The following TRIM54 variants were observed in gnomAD, a reference collection of about 807,000 sequenced individuals.
TRIM54 encodes tripartite motif containing 54, also known as tripartite motif-containing protein 54.
TRIM54 carries 40 observed loss-of-function variants against 42.0 expected under a neutral mutation model. The observed-to-expected ratio is 0.95, with a 90% confidence interval of 0.74 to 1.24. The LOEUF is 1.24. Among genes scored for constraint, TRIM54 ranks in the 50% most tolerant of loss-of-function variants. The pLI is 0.00. For synonymous variants in TRIM54, 199 were observed against 194.9 expected (o/e 1.02, Z -0.17); for missense variants, 485 against 480.3 (o/e 1.01, Z -0.09).
intron 1 of TRIM54, among the ~76,000 whole-genome samples, chr2:27,296,665 A>G (rs1019783557): frequency 1.3e-4 from 20 of 152,120 alleles, no homozygotes; most frequent in African/African-American, 4.3e-4. Flanking sequence ...GGTTTGTGCA[A>G]TTTCCTACAA....
chr2:27,291,374 C>A (rs2148192216), intron 1 of TRIM54, among the ~76,000 whole-genome samples: 1 of 152,224 alleles, frequency 6.6e-6, no homozygotes, highest in South Asian at 2.1e-4. Context: ...AACAAACAAA[C>A]AAAAAATGAC....
At chr2:27,303,840 A>C (rs1258779731) in intron 3 of TRIM54, among the ~76,000 whole-genome samples, 11 of 152,230 alleles carry the variant, frequency 7.2e-5, no homozygotes, top group Non-Finnish European at 1.6e-4. Context: ...TTATTAAATA[A>C]TTGGAAGTCA....
Position 27,282,697 on chromosome 2 carries a change from G to A in TRIM54, c.-35G>A. 1 of 1,589,106 alleles carries A rather than the reference G, an allele frequency of 6.3e-7. No individual in the cohort carries two copies. ...TCTACAGGCAGTGAGTGAAGGCCAGGAGCAGGGCCCAGGCCAGGCACGACC... is the reference window on the plus strand; with the variant it reads ...TCTACAGGCAGTGAGTGAAGGCCAGAAGCAGGGCCCAGGCCAGGCACGACC... On this transcript the variant is annotated 5_prime_UTR_variant, in exon 1 of 9. Coordinates refer to ENST00000380075, the MANE Select transcript of TRIM54 (RefSeq NM_187841.3).
intron 1 of TRIM54, among the ~76,000 whole-genome samples, chr2:27,296,765 G>A (rs1033658702): frequency 3.9e-5 from 6 of 152,040 alleles, no homozygotes; most frequent in Admixed American, 2.6e-4. Context: ...GGGTTTTTTG[G>A]TTTGTTTTTT....
intron 1 of TRIM54, among the ~76,000 whole-genome samples, chr2:27,287,985 G>A (rs898014785): frequency 1.3e-5 from 2 of 152,204 alleles, no homozygotes; most frequent in Non-Finnish European, 2.9e-5. Flanking sequence ...CTTTCAAGCA[G>A]TAGGGCTTGG....
At chr2:27,286,303 C>T (rs567344182) in intron 1 of TRIM54, among the ~76,000 whole-genome samples, 37 of 152,124 alleles carry the variant, frequency 2.4e-4, no homozygotes, top group Middle Eastern at 6.8e-3. Context: ...CATTCAAGCC[C>T]ATGTCCGCAA....
At chr2:27,291,219 G>T (rs1244586160) in intron 1 of TRIM54, among the ~76,000 whole-genome samples, 1 of 152,120 alleles carries the variant, frequency 6.6e-6, no homozygotes, top group Non-Finnish European at 1.5e-5. Context: ...GCTGGGCATG[G>T]TGGTGAACGC....
intron 1 of TRIM54, among the ~76,000 whole-genome samples, chr2:27,288,993 T>C (rs572447188): frequency 6.6e-6 from 1 of 152,328 alleles, no homozygotes; most frequent in South Asian, 2.1e-4. Context: ...AAGCAGAAGA[T>C]AGGATTTTTC....
chr2:27,306,315 G>A lies in TRIM54; in HGVS notation c.969G>A (p.Leu323=), dbSNP rs142646235. The change falls in exon 7 of 9, where the codon CTG becomes CTA. Residue 323 remains leucine, a synonymous_variant. Transcript: ENST00000380075. This position sits in a 1 kb window ranked among gnomAD's most constrained non-coding sequence, Gnocchi z 6.1. ...TVRVEHVAEM[L]RTIDFQPGAS... ...GGGTGGAGCACGTGGCCGAAATGCT[G>A]CGGACCATCGACTTCCAGCCAGGTG... 5 of 1,614,046 alleles carry A rather than the reference G, an allele frequency of 3.1e-6. No homozygotes were observed. The African/African-American group carries it at 4.0e-5, about 13-fold the overall frequency.
intron 3 of TRIM54, among the ~76,000 whole-genome samples, chr2:27,303,808 A>G (rs1259071323): frequency 1.3e-5 from 2 of 152,232 alleles, no homozygotes; most frequent in African/African-American, 4.8e-5. Context: ...GACCCCCCAC[A>G]AAAGCAACTG....
chr2:27,295,596 G>A (rs10182053), intron 1 of TRIM54, among the ~76,000 whole-genome samples: 3,703 of 152,200 alleles, frequency 0.024, 142 homozygotes, highest in African/African-American at 0.084. Context: ...ATGAGCCAGC[G>A]CGCCTGGTCT....
At position 27,305,708 on chromosome 2, in the gene TRIM54, G is replaced by A. The variant is rs752760219; in HGVS notation, c.734G>A (p.Arg245His). The change falls in exon 5 of 9, where the codon CGC becomes CAC. Residue 245 changes from arginine (R) to histidine (H), a missense_variant. Arg to His is a conservative substitution (Grantham distance 29). Coordinates refer to ENST00000380075, the MANE Select transcript of TRIM54 (RefSeq NM_187841.3). Reference protein sequence around the residue: ...LAREQEEKLQRVRGLIRQYGD... With the variant: ...LAREQEEKLQHVRGLIRQYGD... ...CGGGAGCAAGAGGAGAAGCTGCAGC[G>A]CGTCCGCGGCCTCATCCGTCAGTAT... 2.5e-5 allele frequency: 40 copies of A among 1,612,296 alleles called. No individual in the cohort carries two copies. Among genetic ancestry groups the A allele is most frequent in the Admixed American group, 1.7e-4 (10 of 59,852 alleles).
chr2:27,293,998 G>A (rs768666868), intron 1 of TRIM54, among the ~76,000 whole-genome samples: 4 of 152,072 alleles, frequency 2.6e-5, no homozygotes, highest in African/African-American at 7.2e-5. Context: ...ACTCCAGCCC[G>A]ACGACAGAGT....
chr2:27,302,755 C>T lies in TRIM54; in HGVS notation c.514-2204C>T, dbSNP rs968508327. On this transcript the variant is annotated intron_variant, in intron 3 of 8. Coordinates refer to ENST00000380075, the MANE Select transcript of TRIM54 (RefSeq NM_187841.3). ...ACAGTGAGCTGAGATTGCGCCATTG[C>T]ACTCCAGCCTGGGCAAAAAGAGTGA... Among the ~76,000 whole-genome samples the T allele has an allele frequency of 2.0e-5, 3 of 152,188 alleles. No homozygotes were observed. The East Asian group carries it at 5.8e-4, about 29-fold the overall frequency.
rs926615605 is a variant in TRIM54 at position 27,299,423 on chromosome 2, A to G, written c.513+7A>G. ...CATTTACAAACGCCAGAAGGTATCA[A>G]ACAGGGGAGGGAGTAGATATGTGAG... On this transcript the variant is annotated splice_region_variant and intron_variant, in intron 3 of 8. Transcript: ENST00000380075. 1.9e-6 allele frequency: 3 copies of G among 1,613,094 alleles called. No individual in the cohort carries two copies. The highest frequency in any genetic ancestry group is 2.7e-5 in the African/African-American group (2 of 74,908).
At chr2:27,286,773 C>G (rs1558582427) in intron 1 of TRIM54, among the ~76,000 whole-genome samples, 1 of 152,180 alleles carries the variant, frequency 6.6e-6, no homozygotes, top group Non-Finnish European at 1.5e-5. Flanking sequence ...CCTTCTCTAA[C>G]AAGGGGCAGT....
intron 1 of TRIM54, among the ~76,000 whole-genome samples, chr2:27,297,443 T>C (rs547746784): frequency 6.6e-6 from 1 of 152,212 alleles, no homozygotes; most frequent in Non-Finnish European, 1.5e-5. Flanking sequence ...TAGGATAGGA[T>C]GGAGCAACTA....
chr2:27,305,944 C>T, intron 5 of TRIM54, 127 bp downstream of exon 5: 1 of 1,394,232 alleles, frequency 7.2e-7, no homozygotes, highest in Non-Finnish European at 9.9e-7. Context: ...AAGTCACCCC[C>T]TCTGAGTTCG....
Position 27,282,516 on chromosome 2 carries a change from A to G in TRIM54, c.-216A>G. The G allele has an allele frequency of 2.4e-6, 1 of 414,200 alleles. No individual in the cohort carries two copies. The highest frequency in any genetic ancestry group is 4.3e-6 in the Non-Finnish European group (1 of 235,068). The allele number at this position is 414,200 out of a possible 1,614,324, so 25.7% of individuals were successfully genotyped here. A position where few individuals can be genotyped will look rare whatever the true frequency, so the allele number is the denominator to read the frequency against. Reference sequence around the variant, plus strand: ...CAGAGAGAGAGGGATAGCTAAAACTACGTGAGCCTGGCGAGGGTGCAGAGC... The same window carrying G: ...CAGAGAGAGAGGGATAGCTAAAACTGCGTGAGCCTGGCGAGGGTGCAGAGC... On this transcript the variant is annotated 5_prime_UTR_variant, in exon 1 of 9. Transcript: ENST00000380075.
Sources: allele counts gnomAD v4.1 joint callset (sites outside exome capture counted in the v4.1 genomes callset), GRCh38; gene constraint gnomAD v4.1.1; non-coding constraint Gnocchi (gnomAD v3.1); transcripts MANE v1.5; gene names NCBI Gene and HGNC (gene_info 2026-07-23, HGNC 2026-07-21).